The following CEP128 variants were observed in gnomAD, a reference collection of about 807,000 sequenced individuals.
CEP128 encodes centrosomal protein 128kDa.
CEP128 carries 132 observed loss-of-function variants against 156.7 expected under a neutral mutation model. That is an observed-to-expected ratio of 0.84 (90% CI 0.73 to 0.97). The LOEUF is 0.97. Ranked by LOEUF, CEP128 falls within the 50% of genes least tolerant of loss-of-function variation. CEP128 has a pLI of 0.00. For synonymous variants in CEP128, 469 were observed against 448.9 expected (o/e 1.04, Z -0.57); for missense variants, 1,252 against 1,281.9 (o/e 0.98, Z 0.36).
chr14:80,914,355 T>G lies in CEP128; in HGVS notation c.201A>C (p.Glu67Asp). 6.2e-7 allele frequency: 1 copy of G among 1,613,954 alleles called. No individual in the cohort carries two copies. Among genetic ancestry groups the G allele is most frequent in the Non-Finnish European group, 8.5e-7 (1 of 1,179,880 alleles). Residue 67 changes from glutamate (E) to aspartate (D), a missense_variant, in exon 4 of 25, where the codon GAA (glutamate) becomes GAC (aspartate). By Grantham distance (45) the Glu-to-Asp change is conservative. Coordinates refer to ENST00000555265, the MANE Select transcript of CEP128 (RefSeq NM_152446.5). ...TCGCACCCGCCTGTCCATTACTGTA[T>G]TCTCGGTATCGTCCAAGCATCTGGT... is the stretch of plus-strand genomic sequence containing the variant. ...QVDQMLGRYREYSNGQAGAIE... is the reference protein window; with the variant it reads ...QVDQMLGRYRDYSNGQAGAIE...
chr14:80,635,193 C>T (rs1894129971), intron 19 of CEP128, among the ~76,000 whole-genome samples: 1 of 152,318 alleles, frequency 6.6e-6, no homozygotes, highest in African/African-American at 2.4e-5. Context: ...ATCACTTCCG[C>T]AATCTGTCCG....
chr14:80,842,105 T>C (rs2140087962), intron 9 of CEP128, among the ~76,000 whole-genome samples: 1 of 152,202 alleles, frequency 6.6e-6, no homozygotes, highest in South Asian at 2.1e-4. Context: ...AAGTTGTTTA[T>C]AATATTGATT....
At chr14:80,720,947 G>A (rs973203855) in intron 19 of CEP128, among the ~76,000 whole-genome samples, 15 of 152,048 alleles carry the variant, frequency 9.9e-5, no homozygotes, top group Non-Finnish European at 1.8e-4. Flanking sequence ...AAGTATGAAG[G>A]TAAATAAATA....
chr14:80,790,104 G>A (rs979303481), intron 14 of CEP128, among the ~76,000 whole-genome samples: 1 of 151,902 alleles, frequency 6.6e-6, no homozygotes, highest in Admixed American at 6.6e-5. Flanking sequence ...CTGTCAGCAG[G>A]AAGGAAATAC....
intron 19 of CEP128, among the ~76,000 whole-genome samples, chr14:80,710,205 T>C (rs777455203): frequency 9.2e-5 from 14 of 152,150 alleles, no homozygotes; most frequent in Non-Finnish European, 1.8e-4. Context: ...CCAAAGGGTT[T>C]AGAACAGAGG....
chr14:80,639,043 A>G (rs749357391), intron 19 of CEP128, among the ~76,000 whole-genome samples: 3 of 152,246 alleles, frequency 2.0e-5, no homozygotes, highest in Non-Finnish European at 2.9e-5. Context: ...TTTCAGACAT[A>G]CATTGCTTAA....
chr14:80,764,829 A>G, intron 16 of CEP128, among the ~76,000 whole-genome samples: 1 of 152,176 alleles, frequency 6.6e-6, no homozygotes, highest in East Asian at 1.9e-4. Flanking sequence ...ACCCCCACTA[A>G]GGCTTCTAAA....
chr14:80,828,682 A>C (rs1024116895), intron 13 of CEP128, among the ~76,000 whole-genome samples: 2 of 152,148 alleles, frequency 1.3e-5, no homozygotes, highest in African/African-American at 4.8e-5. Context: ...CTGAGTAGGG[A>C]AGTTTAAGAA....
At chr14:80,640,343 T>TG (rs1894356546) in intron 19 of CEP128, among the ~76,000 whole-genome samples, 3 of 152,298 alleles carry the variant, frequency 2.0e-5, no homozygotes, top group Middle Eastern at 6.8e-3. Context: ...AATGGGTGAA[T>TG]ACTACTTCAT....
chr14:80,810,464 A>G (rs2139940399), intron 13 of CEP128, among the ~76,000 whole-genome samples: 1 of 152,186 alleles, frequency 6.6e-6, no homozygotes, highest in East Asian at 1.9e-4. Flanking sequence ...ATATAGATTG[A>G]CTGAATGGAT....
At chr14:80,815,821 T>C (rs113070487) in intron 13 of CEP128, among the ~76,000 whole-genome samples, 2 of 152,138 alleles carry the variant, frequency 1.3e-5, no homozygotes, top group East Asian at 1.9e-4. Flanking sequence ...GTGAAACAAC[T>C]CAAAAACAGA....
chr14:80,724,777 C>T (rs976851033), intron 19 of CEP128, among the ~76,000 whole-genome samples: 1 of 151,796 alleles, frequency 6.6e-6, no homozygotes, highest in Non-Finnish European at 1.5e-5. Flanking sequence ...TTTTACCTTG[C>T]TGTTACAAAA....
chr14:80,922,087 T>C (rs900617327), intron 2 of CEP128, among the ~76,000 whole-genome samples: 5 of 151,960 alleles, frequency 3.3e-5, no homozygotes, highest in Non-Finnish European at 5.9e-5. Flanking sequence ...CAAAAACAAA[T>C]TTAAAGACCT....
chr14:80,774,371 T>C (rs1389008155), intron 16 of CEP128, among the ~76,000 whole-genome samples: 1 of 152,186 alleles, frequency 6.6e-6, no homozygotes, highest in Non-Finnish European at 1.5e-5. Flanking sequence ...TACCACCTTG[T>C]TAAGCAAATT....
chr14:80,534,824 C>CAAAA lies in CEP128; in HGVS notation c.2881-3942_2881-3939dup, dbSNP rs371773612. Among the ~76,000 whole-genome samples, 517 of 59,422 alleles carry CAAAA rather than the reference C, an allele frequency of 8.7e-3. 9 individuals carry two copies. The highest frequency in any genetic ancestry group is 0.013 in the African/African-American group (196 of 14,654). The allele number at this position is 59,422 out of a possible 152,430, so 39.0% of individuals were successfully genotyped here. On this transcript the variant is annotated intron_variant, in intron 21 of 24. Coordinates refer to ENST00000555265, the MANE Select transcript of CEP128 (RefSeq NM_152446.5). The stretch of plus-strand genomic sequence containing the variant: ...TGGGCGACAGAGCAAGATTCCGTCT[C>CAAAA]AAAAAAAAAAAAAAAAAAAAAAGGG...
chr14:80,492,211 G>A (rs1168855990), downstream of CEP128, among the ~76,000 whole-genome samples: 1 of 152,190 alleles, frequency 6.6e-6, no homozygotes, highest in Non-Finnish European at 1.5e-5. Flanking sequence ...AAGGTGATAT[G>A]AATAGGTTCT....
At chr14:80,554,748 C>G (rs1313222421) in intron 21 of CEP128, among the ~76,000 whole-genome samples, 1 of 151,860 alleles carries the variant, frequency 6.6e-6, no homozygotes, top group East Asian at 1.9e-4. Flanking sequence ...ATTCGTTGGT[C>G]AAATAACAGA....
intron 13 of CEP128, among the ~76,000 whole-genome samples, chr14:80,826,826 G>A (rs912680411): frequency 6.6e-6 from 1 of 152,002 alleles, no homozygotes; most frequent in Non-Finnish European, 1.5e-5. Context: ...AGAAGAGTAA[G>A]TTGACGGAAG....
chr14:80,827,324 T>C (rs746175708), intron 13 of CEP128, among the ~76,000 whole-genome samples: 2 of 152,190 alleles, frequency 1.3e-5, no homozygotes, highest in Non-Finnish European at 2.9e-5. Flanking sequence ...TGGGAACACA[T>C]AGGGACACAG....
Sources: allele counts gnomAD v4.1 joint callset (sites outside exome capture counted in the v4.1 genomes callset), GRCh38; gene constraint gnomAD v4.1.1; transcripts MANE v1.5; gene names NCBI Gene and HGNC (gene_info 2026-07-23, HGNC 2026-07-21).